MTFR1: variants seen among roughly 807,000 people sequenced by gnomAD.
The protein encoded by MTFR1 is chondrocyte protein with a poly-proline region.
Under a neutral mutation model 38.8 loss-of-function variants are expected in MTFR1, and 28 were observed. The observed-to-expected ratio is 0.72, with a 90% CI of 0.53 to 0.99. The LOEUF (loss-of-function observed/expected upper bound fraction) is 0.99. Among genes scored for constraint, MTFR1 ranks in the 50% least tolerant of loss-of-function variants. The pLI is 0.00. For missense variants in MTFR1, 358 were observed against 395.5 expected (o/e 0.91, Z 0.81); for synonymous variants, 145 against 137.0 (o/e 1.06, Z -0.41).
chr8:65,693,736 AG>A lies in MTFR1; in HGVS notation c.260del (p.Gly87GlufsTer7), dbSNP rs1563452094. 1.9e-6 allele frequency: 3 copies of A among 1,614,118 alleles called. No homozygotes were observed. The Admixed American group carries it at 5.0e-5, about 27-fold the overall frequency. ...ADVGWVAKEE[G>X]ECSARLRTEV... ...ATGTTGGATGGGTAGCCAAAGAAGA[AG>A]GAGAGTGTTCAGCAAGACTAAGGTT... On this transcript the variant is annotated frameshift_variant, in exon 4 of 8. Coordinates refer to ENST00000262146, the MANE Select transcript of MTFR1 (RefSeq NM_014637.4). LOFTEE classifies it high-confidence loss of function.
At chr8:65,672,195 A>G (rs1013825690) in intron 2 of MTFR1, among the ~76,000 whole-genome samples, 6 of 152,260 alleles carry the variant, frequency 3.9e-5, no homozygotes, top group Non-Finnish European at 7.3e-5. Flanking sequence ...TATTGAAGCT[A>G]GCATATAATC....
intron 3 of MTFR1, among the ~76,000 whole-genome samples, chr8:65,768,342 T>G (rs1808903513): frequency 6.6e-6 from 1 of 152,082 alleles, no homozygotes; most frequent in South Asian, 2.1e-4. Flanking sequence ...ACAATTCCCA[T>G]GTGTTGTGGG....
At chr8:65,767,492 G>C (rs1400860184) in intron 3 of MTFR1, among the ~76,000 whole-genome samples, 2 of 152,148 alleles carry the variant, frequency 1.3e-5, no homozygotes, top group Non-Finnish European at 2.9e-5. Flanking sequence ...GGGTGTGTTA[G>C]GCCTAAGGAA....
intron 1 of MTFR1, among the ~76,000 whole-genome samples, chr8:65,663,149 G>A (rs367906869): frequency 2.4e-4 from 37 of 152,320 alleles, no homozygotes; most frequent in Non-Finnish European, 4.0e-4. Flanking sequence ...TGTAGAAAGA[G>A]GTAGACATGG....
At chr8:65,645,099 C>T (rs897572311) in intron 1 of MTFR1, among the ~76,000 whole-genome samples, 1 of 152,186 alleles carries the variant, frequency 6.6e-6, no homozygotes, top group Non-Finnish European at 1.5e-5. Context: ...CCTCCCCCGA[C>T]CTTCGGTCCA....
intron 2 of MTFR1, among the ~76,000 whole-genome samples, chr8:65,672,187 T>C (rs545804135): frequency 1.8e-4 from 28 of 152,264 alleles, no homozygotes; most frequent in Admixed American, 4.6e-4. Flanking sequence ...TTTTAACTTA[T>C]TGAAGCTAGC....
At chr8:65,689,102 G>A (rs148893469) in intron 3 of MTFR1, among the ~76,000 whole-genome samples, 6,321 of 152,244 alleles carry the variant, frequency 0.042, 194 homozygotes, top group Non-Finnish European at 0.062. Flanking sequence ...CTGAGATTGC[G>A]CCACTGCACT....
At chr8:65,654,977 G>A (rs1809216614) in intron 1 of MTFR1, among the ~76,000 whole-genome samples, 1 of 152,134 alleles carries the variant, frequency 6.6e-6, no homozygotes, top group African/African-American at 2.4e-5. Flanking sequence ...TTGGGCCTAA[G>A]GGCAACATTT....
intron 1 of MTFR1, among the ~76,000 whole-genome samples, chr8:65,656,145 G>A (rs1334646712): frequency 4.7e-5 from 7 of 149,926 alleles, no homozygotes; most frequent in East Asian, 3.9e-4. Context: ...GCAGTGAGCC[G>A]AGATCACATC....
chr8:65,767,001 AAACAAC>A (rs149118435), intron 3 of MTFR1, among the ~76,000 whole-genome samples: 65,251 of 150,856 alleles, frequency 0.43, 16,261 homozygotes, highest in African/African-American at 0.7. Flanking sequence ...TGCTCATTCA[AAACAAC>A]AACAACAACA....
chr8:65,724,766 C>G, intron 3 of MTFR1: 1 of 1,593,954 alleles, frequency 6.3e-7, no homozygotes, highest in Non-Finnish European at 8.5e-7. Flanking sequence ...TGTTTCCAAG[C>G]CCCATTTTAC....
chr8:65,707,054 CCACCT>C lies in MTFR1; in HGVS notation c.564_568del (p.Pro190ThrfsTer18). The C allele has an allele frequency of 3.9e-6, 6 of 1,553,994 alleles. No individual in the cohort carries two copies. The highest frequency in any genetic ancestry group is 1.7e-5 in the Admixed American group (1 of 58,650). On this transcript the variant is annotated frameshift_variant, in exon 6 of 8. Transcript: ENST00000262146. LOFTEE classifies it high-confidence loss of function. ...ATTTGGTACCATACCACCACACCCT[CCACCT>C]CCCCCACCGCCCCTGCCTCCCCCTG...
At chr8:65,710,753 G>GTA (rs1174531920), downstream of MTFR1, among the ~76,000 whole-genome samples, 1 of 151,988 alleles carries the variant, frequency 6.6e-6, no homozygotes, top group Admixed American at 6.6e-5. Flanking sequence ...CAGTCATGAG[G>GTA]TATCACAGTT....
intron 3 of MTFR1, among the ~76,000 whole-genome samples, chr8:65,755,607 T>C (rs1393094944): frequency 6.6e-6 from 1 of 152,256 alleles, no homozygotes; most frequent in African/African-American, 2.4e-5. Flanking sequence ...GACATAATTA[T>C]TGTTACATGC....
chr8:65,662,075 C>CTCCCTCT (rs1563435812), intron 1 of MTFR1, among the ~76,000 whole-genome samples: 13 of 78,268 alleles, frequency 1.7e-4, no homozygotes, highest in Admixed American at 6.9e-4. Flanking sequence ...CCCTCTCTTT[C>CTCCCTCT]CACAGTCTCC....
chr8:65,761,714 C>T (rs1460234430), intron 3 of MTFR1, among the ~76,000 whole-genome samples: 1 of 152,216 alleles, frequency 6.6e-6, no homozygotes, highest in East Asian at 1.9e-4. Context: ...GTATTACTTC[C>T]AGTTAATGAT....
At chr8:65,768,110 A>G (rs542699143) in intron 3 of MTFR1, among the ~76,000 whole-genome samples, 1 of 152,326 alleles carries the variant, frequency 6.6e-6, no homozygotes, top group African/African-American at 2.4e-5. Context: ...CCCTCCACAC[A>G]TTTGGTCACA....
intron 3 of MTFR1, chr8:65,745,344 G>C: frequency 1.1e-6 from 1 of 925,574 alleles, no homozygotes; most frequent in African/African-American, 1.6e-5. Flanking sequence ...CGCACCAGCG[G>C]CTGCACCATC....
chr8:65,693,565 T>A, intron 3 of MTFR1, 79 bp from the exon 4 acceptor site: 2 of 1,166,214 alleles, frequency 1.7e-6, no homozygotes, highest in South Asian at 2.6e-5. Context: ...AGCTGACGAT[T>A]TTCCTTTAGG....
Sources: gnomAD v4.1 joint callset for allele counts (sites outside exome capture counted in the v4.1 genomes callset) on GRCh38, gnomAD v4.1.1 for gene constraint, MANE v1.5 for transcripts, NCBI Gene and HGNC (gene_info 2026-07-23, HGNC 2026-07-21) for gene names.